Variants in CSGALNACT1 observed in about 807,000 individuals in gnomAD.
CSGALNACT1 encodes beta4GalNAcT-1.
A neutral mutation model predicts 51.0 loss-of-function variants in CSGALNACT1; 52 were observed. The observed-to-expected ratio is 1.02, with a 90% confidence interval of 0.82 to 1.29. The LOEUF (loss-of-function observed/expected upper bound fraction) is 1.29. Among genes scored for constraint, CSGALNACT1 ranks in the 50% most tolerant of loss-of-function variants. CSGALNACT1 has a pLI of 0.00. For synonymous variants in CSGALNACT1, 341 were observed against 254.4 expected (o/e 1.34, Z -3.24); for missense variants, 935 against 679.2 (o/e 1.38, Z -4.19).
chr8:19,644,736 A>G (rs13268044), intron 1 of CSGALNACT1, among the ~76,000 whole-genome samples: 1 of 150,372 alleles, frequency 6.7e-6, no homozygotes, highest in Admixed American at 6.6e-5. Context: ...AAAAAAAAAA[A>G]GAGGAAACAT....
chr8:19,415,741 A>G (rs1449178737), intron 8 of CSGALNACT1, among the ~76,000 whole-genome samples: 1 of 152,252 alleles, frequency 6.6e-6, no homozygotes, highest in Non-Finnish European at 1.5e-5. Context: ...AAAACAACAC[A>G]TTACTTAAAC....
At chr8:19,583,869 C>T (rs749331148) in intron 3 of CSGALNACT1, among the ~76,000 whole-genome samples, 1 of 152,146 alleles carries the variant, frequency 6.6e-6, no homozygotes, top group Non-Finnish European at 1.5e-5. Flanking sequence ...AAATCTGTTG[C>T]CCACATACTC....
At chr8:19,655,849 A>G (rs1376737092) in intron 1 of CSGALNACT1, among the ~76,000 whole-genome samples, 1 of 152,222 alleles carries the variant, frequency 6.6e-6, no homozygotes, top group African/African-American at 2.4e-5. Flanking sequence ...TGCAGCTCTC[A>G]GTCTGGTAAT....
chr8:19,512,287 A>G (rs1382281654), intron 3 of CSGALNACT1, among the ~76,000 whole-genome samples: 1 of 152,178 alleles, frequency 6.6e-6, no homozygotes, highest in Non-Finnish European at 1.5e-5. Flanking sequence ...AACCCCCTGA[A>G]AGAGCTTGAA....
intron 4 of CSGALNACT1, among the ~76,000 whole-genome samples, chr8:19,465,892 T>C (rs6983175): frequency 0.36 from 55,289 of 151,736 alleles, 10,641 homozygotes; most frequent in African/African-American, 0.46. Context: ...ACTTTTCATA[T>C]GCAGAAGAAG....
At chr8:19,540,411 ATC>A (rs1563962944) in intron 3 of CSGALNACT1, among the ~76,000 whole-genome samples, 13 of 152,214 alleles carry the variant, frequency 8.5e-5, no homozygotes, top group Non-Finnish European at 1.8e-4. Context: ...TTCGTACCCC[ATC>A]GGCTCACTGT....
rs1468518731 is a variant in CSGALNACT1, at chr8:19,505,821, C to T, written c.14G>A (p.Arg5His). Residue 5 changes from arginine to histidine, a missense_variant, in exon 4 of 10, where the codon CGC (arginine) becomes CAC (histidine). Arg to His is a conservative substitution (Grantham distance 29). Coordinates refer to ENST00000454498, the Ensembl canonical transcript of CSGALNACT1. ...GGAAATCCACGCAAGCAGCCCCCGGCGAACCATCATCATTCAGGAATCAGC... is the reference window on the plus strand; with the variant it reads ...GGAAATCCACGCAAGCAGCCCCCGGTGAACCATCATCATTCAGGAATCAGC... 5.6e-6 allele frequency: 9 copies of T among 1,611,756 alleles called. No homozygotes were observed. Among genetic ancestry groups the T allele is most frequent in the South Asian group, 2.2e-5 (2 of 91,082 alleles).
intron 1 of CSGALNACT1, among the ~76,000 whole-genome samples, chr8:19,669,435 A>T (rs76843582): frequency 0.036 from 5,535 of 152,182 alleles, 358 homozygotes; most frequent in African/African-American, 0.13. Context: ...ACCGTTTCTA[A>T]TTTTTTTGTT....
chr8:19,754,161 A>T (rs1247077941), intron 1 of CSGALNACT1, among the ~76,000 whole-genome samples: 1 of 151,910 alleles, frequency 6.6e-6, no homozygotes, highest in Non-Finnish European at 1.5e-5. Flanking sequence ...CCGGGTAGCT[A>T]GGATTACAGG....
chr8:19,661,811 A>C (rs182497564), intron 1 of CSGALNACT1, among the ~76,000 whole-genome samples: 1 of 152,300 alleles, frequency 6.6e-6, no homozygotes, highest in Non-Finnish European at 1.5e-5. Context: ...AATCACGGAT[A>C]TGCCTTGCCT....
chr8:19,537,142 G>C (rs148327465), intron 3 of CSGALNACT1, among the ~76,000 whole-genome samples: 3 of 152,150 alleles, frequency 2.0e-5, no homozygotes, highest in South Asian at 2.1e-4. Flanking sequence ...CTTTCCTCAT[G>C]AGTAAGCAGA....
intron 3 of CSGALNACT1, among the ~76,000 whole-genome samples, chr8:19,542,916 G>C (rs2085562532): frequency 6.6e-6 from 1 of 152,032 alleles, no homozygotes; most frequent in African/African-American, 2.4e-5. Context: ...AAATTCATTT[G>C]GGTTTTCCTA....
intron 3 of CSGALNACT1, among the ~76,000 whole-genome samples, chr8:19,566,604 T>C (rs953381724): frequency 2.6e-5 from 4 of 152,192 alleles, no homozygotes; most frequent in Non-Finnish European, 2.9e-5. Flanking sequence ...AAATAGGTTT[T>C]TGCATTTTAA....
chr8:19,566,366 GACA>G (rs2041906369), intron 3 of CSGALNACT1, among the ~76,000 whole-genome samples: 1 of 152,104 alleles, frequency 6.6e-6, no homozygotes, highest in Non-Finnish European at 1.5e-5. Flanking sequence ...TGGCCCTGCT[GACA>G]ACTTCATTTG....
intron 4 of CSGALNACT1, among the ~76,000 whole-genome samples, chr8:19,459,587 T>G (rs1246254457): frequency 6.6e-6 from 1 of 152,024 alleles, no homozygotes; most frequent in African/African-American, 2.4e-5. Flanking sequence ...GTTTCATATC[T>G]TCCTTCCCAT....
chr8:19,720,400 T>C (rs2063056111), intron 1 of CSGALNACT1, among the ~76,000 whole-genome samples: 1 of 152,144 alleles, frequency 6.6e-6, no homozygotes, highest in Non-Finnish European at 1.5e-5. Context: ...ACATAAGCCA[T>C]AGCTGGGGTG....
At chr8:19,714,932 C>G (rs536520416) in intron 1 of CSGALNACT1, among the ~76,000 whole-genome samples, 1 of 152,290 alleles carries the variant, frequency 6.6e-6, no homozygotes, top group South Asian at 2.1e-4. Flanking sequence ...CCTCTACCCT[C>G]AAGTGGGCCC....
chr8:19,660,873 C>T (rs2058691033), intron 1 of CSGALNACT1, among the ~76,000 whole-genome samples: 1 of 152,096 alleles, frequency 6.6e-6, no homozygotes, highest in African/African-American at 2.4e-5. Context: ...CCAGAATGAC[C>T]TCATTCTATG....
chr8:19,511,116 G>T (rs187517689), intron 3 of CSGALNACT1, among the ~76,000 whole-genome samples: 35 of 152,388 alleles, frequency 2.3e-4, no homozygotes, highest in African/African-American at 7.7e-4. Context: ...AGAAAGGACA[G>T]TGGCTTCATG....
Sources: gnomAD v4.1 joint callset for allele counts (sites outside exome capture counted in the v4.1 genomes callset) on GRCh38, gnomAD v4.1.1 for gene constraint, MANE v1.5 for transcripts, NCBI Gene and HGNC (gene_info 2026-07-23, HGNC 2026-07-21) for gene names.